Variants in SERINC5 observed in about 807,000 individuals in gnomAD.
SERINC5 encodes serine incorporator 5, also known as chromosome 5 open reading frame 12.
Under a neutral mutation model 63.1 loss-of-function variants are expected in SERINC5, and 41 were observed. The ratio of observed to expected loss-of-function variants is 0.65; its 90% CI spans 0.51 to 0.84. The LOEUF (loss-of-function observed/expected upper bound fraction) is 0.84. Ranked by LOEUF, SERINC5 falls within the 40% of genes least tolerant of loss-of-function variation. The pLI is 0.00. For synonymous variants in SERINC5, 222 were observed against 215.2 expected, an observed-to-expected ratio of 1.03 and a Z score of -0.28; for missense variants, 523 against 573.0, an observed-to-expected ratio of 0.91 and a Z score of 0.89.
chr5:80,140,486 C>T lies in SERINC5; in HGVS notation c.*3177G>A, dbSNP rs1191259533. ...TAACTCCACCCTCCCCACAACCCAC[C>T]CCCACTCTATCTCCCCTTCAAAGAG... On this transcript the variant is annotated 3_prime_UTR_variant, in exon 12 of 12. Coordinates refer to ENST00000507668, the MANE Select transcript of SERINC5 (RefSeq NM_001174072.3). 1 of 984,670 alleles carries T rather than the reference C, an allele frequency of 1.0e-6. No homozygotes were observed. The highest frequency in any genetic ancestry group is 1.8e-5 in the African/African-American group (1 of 57,034). The allele number at this position is 984,670 out of a possible 1,614,324, so 61.0% of individuals were successfully genotyped here. A position where few individuals can be genotyped will look rare whatever the true frequency, so the allele number is the denominator to read the frequency against.
In SERINC5 at chr5:80,140,481, C is replaced by G. The variant is rs1745442933; in HGVS notation, c.*3182G>C. ...CCCAATAACTCCACCCTCCCCACAA[C>G]CCACCCCCACTCTATCTCCCCTTCA... On this transcript the variant is annotated 3_prime_UTR_variant, in exon 12 of 12. Coordinates refer to ENST00000507668, the MANE Select transcript of SERINC5 (RefSeq NM_001174072.3). 1.1e-6 allele frequency: 1 copy of G among 889,330 alleles called. No homozygotes were observed. Among genetic ancestry groups the G allele is most frequent in the Admixed American group, 7.0e-5 (1 of 14,208 alleles). The allele number at this position is 889,330 out of a possible 1,614,324, so 55.1% of individuals were successfully genotyped here.
At chr5:80,210,637 A>G (rs1271784854) in intron 1 of SERINC5, among the ~76,000 whole-genome samples, 1 of 152,050 alleles carries the variant, frequency 6.6e-6, no homozygotes, top group East Asian at 1.9e-4. Flanking sequence ...CACACACAAC[A>G]CATGTACCTT....
At chr5:80,145,965 G>T in intron 11 of SERINC5, 125 bp downstream of exon 11, 2 of 967,052 alleles carry the variant, frequency 2.1e-6, no homozygotes, top group Non-Finnish European at 3.1e-6. Context: ...AGCCAGGATC[G>T]TGCCACTGCA....
intron 2 of SERINC5, among the ~76,000 whole-genome samples, chr5:80,185,887 C>A (rs1042255702): frequency 2.1e-4 from 32 of 152,114 alleles, no homozygotes; most frequent in African/African-American, 7.2e-4. Context: ...TTACTTCAGG[C>A]CATCTGGGCA....
intron 12 of SERINC5, among the ~76,000 whole-genome samples, chr5:80,112,125 G>A (rs1422173970): frequency 6.6e-6 from 1 of 152,102 alleles, no homozygotes; most frequent in Non-Finnish European, 1.5e-5. Context: ...CCCCCAGCCC[G>A]ACACCCGTGA....
intron 11 of SERINC5, among the ~76,000 whole-genome samples, chr5:80,133,310 C>T (rs1490211490): frequency 6.6e-6 from 1 of 152,180 alleles, no homozygotes; most frequent in Non-Finnish European, 1.5e-5. Flanking sequence ...AAAGGCCTAA[C>T]ACTAGCCTAA....
intron 1 of SERINC5, among the ~76,000 whole-genome samples, chr5:80,247,355 C>T (rs951259282): frequency 1.3e-5 from 2 of 152,112 alleles, no homozygotes; most frequent in Non-Finnish European, 1.5e-5. Flanking sequence ...AATCTACAGC[C>T]TCTATACAGA....
chr5:80,224,961 G>GAC (rs1751104943), intron 1 of SERINC5, among the ~76,000 whole-genome samples: 1 of 96,002 alleles, frequency 1.0e-5, no homozygotes, highest in Non-Finnish European at 2.1e-5. Flanking sequence ...TTTTTTTTTA[G>GAC]ACAAGTTTTG....
chr5:80,235,583 A>T (rs769608227), intron 1 of SERINC5, among the ~76,000 whole-genome samples: 2 of 151,940 alleles, frequency 1.3e-5, no homozygotes, highest in Non-Finnish European at 2.9e-5. Context: ...TTTTAATGGT[A>T]ATTTTTTTGT....
intron 1 of SERINC5, among the ~76,000 whole-genome samples, chr5:80,241,498 C>T (rs1480534774): frequency 3.3e-5 from 5 of 151,822 alleles, no homozygotes; most frequent in Non-Finnish European, 7.4e-5. Context: ...AATAAAAAGG[C>T]ATATAAACAC....
chr5:80,219,825 T>G lies in SERINC5; in HGVS notation c.28-16772A>C, dbSNP rs1164991067. ...ATCATCAACAGAAATGAAAATAACC[T>G]TACATCACCACCCGCCAACCTTTAC... is the stretch of plus-strand genomic sequence containing the variant. On this transcript the variant is annotated intron_variant, in intron 1 of 11. Transcript: ENST00000507668. 2.0e-5 allele frequency among the ~76,000 whole-genome samples: 3 copies of G among 152,220 alleles called. No individual in the cohort carries two copies. The East Asian group carries it at 5.8e-4, about 29-fold the overall frequency.
chr5:80,239,790 A>C (rs770181213), intron 1 of SERINC5, among the ~76,000 whole-genome samples: 2 of 152,118 alleles, frequency 1.3e-5, no homozygotes, highest in Non-Finnish European at 2.9e-5. Flanking sequence ...AGATCTCCCT[A>C]AGGGTGAAGT....
Position 80,141,558 on chromosome 5 carries a change from G to C in SERINC5, c.*2105C>G. On this transcript the variant is annotated 3_prime_UTR_variant, in exon 12 of 12. Coordinates refer to ENST00000507668, the MANE Select transcript of SERINC5 (RefSeq NM_001174072.3). ...CAGCAGGAGGAAAACAATGAAACTAGTCACAATACTGCCCAGGCTCTTTAC... is the reference window on the plus strand; with the variant it reads ...CAGCAGGAGGAAAACAATGAAACTACTCACAATACTGCCCAGGCTCTTTAC... The C allele has an allele frequency of 2.0e-6, 2 of 985,484 alleles. No homozygotes were observed. Among genetic ancestry groups the C allele is most frequent in the Non-Finnish European group, 2.4e-6 (2 of 830,008 alleles). 61.0% of individuals were successfully genotyped at this position (985,484 alleles called of 1,614,324 possible).
chr5:80,182,877 C>T (rs1222109296), intron 2 of SERINC5, among the ~76,000 whole-genome samples: 3 of 152,074 alleles, frequency 2.0e-5, no homozygotes, highest in Non-Finnish European at 4.4e-5. Context: ...GCTTTTTCTC[C>T]TGTAATTGGT....
downstream of SERINC5, among the ~76,000 whole-genome samples, chr5:80,138,551 G>A (rs927155288): frequency 7.3e-5 from 11 of 151,680 alleles, no homozygotes; most frequent in Non-Finnish European, 1.0e-4. Flanking sequence ...AGCCGAGATC[G>A]CGCCACTGTA....
chr5:80,118,712 T>TA (rs1298919681), intron 11 of SERINC5, among the ~76,000 whole-genome samples: 1 of 114,000 alleles, frequency 8.8e-6, no homozygotes, highest in East Asian at 2.2e-4. Flanking sequence ...CATGTCCAGC[T>TA]AATTTTTTTT....
intron 1 of SERINC5, among the ~76,000 whole-genome samples, chr5:80,218,270 G>A (rs369200327): frequency 6.1e-4 from 93 of 152,344 alleles, no homozygotes; most frequent in African/African-American, 2.2e-3. Context: ...GCTGGGCGCA[G>A]TGGCTCACGC....
intron 1 of SERINC5, among the ~76,000 whole-genome samples, chr5:80,230,061 G>A (rs1450952122): frequency 6.6e-5 from 10 of 152,238 alleles, no homozygotes; most frequent in Admixed American, 1.3e-4. Context: ...CCACTGCTCA[G>A]GAAATTCCCA....
intron 1 of SERINC5, among the ~76,000 whole-genome samples, chr5:80,215,823 T>C (rs1750634098): frequency 1.3e-5 from 2 of 152,184 alleles, no homozygotes; most frequent in Admixed American, 6.5e-5. Context: ...GAAGAGGCTA[T>C]GAACGCATAC....
Sources: allele counts gnomAD v4.1 joint callset (sites outside exome capture counted in the v4.1 genomes callset), GRCh38; gene constraint gnomAD v4.1.1; transcripts MANE v1.5; gene names NCBI Gene and HGNC (gene_info 2026-07-23, HGNC 2026-07-21).